Variants in DNAJC15 observed in about 807,000 individuals in gnomAD.
DNAJC15 encodes DnaJ heat shock protein family (Hsp40) member C15, also known as dnaJ homolog subfamily C member 15.
Under a neutral mutation model 22.4 loss-of-function variants are expected in DNAJC15, and 27 were observed. The observed-to-expected ratio is 1.20, with a 90% CI of 0.89 to 1.66. The LOEUF (loss-of-function observed/expected upper bound fraction) is 1.66, where lower values mean the gene tolerates loss of function less well. Among genes scored for constraint, DNAJC15 ranks in the 40% most tolerant of loss-of-function variants. The pLI, the probability that DNAJC15 is intolerant of heterozygous loss-of-function variation, is 0.00. For synonymous variants in DNAJC15, 79 were observed against 63.2 expected (o/e 1.25, Z -1.19); for missense variants, 208 against 187.1 (o/e 1.11, Z -0.65).
intron 1 of DNAJC15, among the ~76,000 whole-genome samples, chr13:43,060,220 G>A (rs113382085): frequency 2.8e-4 from 42 of 152,248 alleles, no homozygotes; most frequent in Non-Finnish European, 1.9e-4. Flanking sequence ...CTATTCGAGC[G>A]GGATTAGGGG....
At chr13:43,090,357 G>GGTTTCA (rs2040708280) in intron 5 of DNAJC15, among the ~76,000 whole-genome samples, 1 of 152,154 alleles carries the variant, frequency 6.6e-6, no homozygotes, top group Non-Finnish European at 1.5e-5. Context: ...TTCTAAGTTG[G>GGTTTCA]GTTTCAGTTT....
intron 4 of DNAJC15, among the ~76,000 whole-genome samples, chr13:43,083,277 C>T (rs889658461): frequency 1.1e-4 from 16 of 151,962 alleles, no homozygotes; most frequent in East Asian, 5.8e-4. Context: ...ATGCCATTTT[C>T]CTGCCTCAGC....
chr13:43,026,170 CAG>C (rs2040379924), intron 1 of DNAJC15, among the ~76,000 whole-genome samples: 1 of 152,164 alleles, frequency 6.6e-6, no homozygotes, highest in Non-Finnish European at 1.5e-5. Flanking sequence ...TTGAACAAAA[CAG>C]TGGAATCTCC....
At chr13:43,080,414 A>G (rs1483646562) in intron 4 of DNAJC15, among the ~76,000 whole-genome samples, 2 of 152,218 alleles carry the variant, frequency 1.3e-5, no homozygotes, top group East Asian at 3.8e-4. Flanking sequence ...GCTGCGTAGT[A>G]TTCCATGGTG....
At chr13:43,069,764 C>G (rs2040600194) in intron 3 of DNAJC15, among the ~76,000 whole-genome samples, 1 of 152,166 alleles carries the variant, frequency 6.6e-6, no homozygotes. Flanking sequence ...ATCCGCTATT[C>G]TGCTATTCTG....
intron 3 of DNAJC15, among the ~76,000 whole-genome samples, chr13:43,075,718 A>G (rs2040630801): frequency 6.6e-6 from 1 of 152,156 alleles, no homozygotes. Flanking sequence ...GCTGGAGTGC[A>G]GCTGTGCACT....
At chr13:43,037,284 A>T (rs936658896) in intron 1 of DNAJC15, among the ~76,000 whole-genome samples, 2 of 152,246 alleles carry the variant, frequency 1.3e-5, no homozygotes, top group African/African-American at 4.8e-5. Flanking sequence ...GATAAGGTGT[A>T]CATCAGATAT....
intron 5 of DNAJC15, among the ~76,000 whole-genome samples, chr13:43,103,513 T>G (rs1046125984): frequency 1.3e-5 from 2 of 152,238 alleles, no homozygotes; most frequent in Admixed American, 1.3e-4. Flanking sequence ...TAGCACCGTT[T>G]ATTGTTATTT....
intron 3 of DNAJC15, among the ~76,000 whole-genome samples, chr13:43,078,095 C>T (rs577945716): frequency 5.1e-4 from 78 of 152,246 alleles, no homozygotes; most frequent in South Asian, 2.5e-3. Context: ...CATTATATCT[C>T]GAGTCCTCCT....
chr13:43,105,605 ACT>A (rs549702839), intron 5 of DNAJC15, among the ~76,000 whole-genome samples: 13 of 151,874 alleles, frequency 8.6e-5, no homozygotes, highest in African/African-American at 1.2e-4. Context: ...ATTTAATAAG[ACT>A]CTCTATCATC....
intron 1 of DNAJC15, among the ~76,000 whole-genome samples, chr13:43,024,208 CACAGAA>C (rs1443081173): frequency 6.6e-6 from 1 of 151,922 alleles, no homozygotes; most frequent in Non-Finnish European, 1.5e-5. Context: ...AAGTCTCCGG[CACAGAA>C]ACAGGGCCCA....
chr13:43,097,979 A>G (rs1286346653), intron 5 of DNAJC15, among the ~76,000 whole-genome samples: 3 of 152,206 alleles, frequency 2.0e-5, no homozygotes, highest in Admixed American at 1.3e-4. Context: ...TTGAAGGAAC[A>G]CCCAACAAAG....
intron 3 of DNAJC15, among the ~76,000 whole-genome samples, chr13:43,073,739 A>G (rs17064134): frequency 0.015 from 2,218 of 152,144 alleles, 56 homozygotes; most frequent in African/African-American, 0.048. Context: ...CTTGTTTTCT[A>G]GGCCTATTAA....
intron 2 of DNAJC15, among the ~76,000 whole-genome samples, chr13:43,066,715 C>T (rs774130775): frequency 3.3e-5 from 5 of 152,094 alleles, no homozygotes; most frequent in South Asian, 2.1e-4. Flanking sequence ...CTCCGCCTCC[C>T]GGGTTCATGC....
intron 1 of DNAJC15, among the ~76,000 whole-genome samples, chr13:43,064,287 A>AT (rs2153440781): frequency 6.6e-6 from 1 of 152,338 alleles, no homozygotes; most frequent in African/African-American, 2.4e-5. Context: ...GATGTTTCTC[A>AT]TTATAGAGTC....
Position 43,096,980 on chromosome 13 carries a change from G to A in DNAJC15, c.383-10198G>A, listed in dbSNP as rs2040742721. Among the ~76,000 whole-genome samples, 2 of 152,134 alleles carry A rather than the reference G, an allele frequency of 1.3e-5. 1 individual carries two copies. Among genetic ancestry groups the A allele is most frequent in the Admixed American group, 1.3e-4 (2 of 15,264 alleles). The stretch of plus-strand genomic sequence containing the variant: ...AGGCCATCCTGGACTACCCAGCTCA[G>A]AATAACCACCCTACCAATCCACAGA... On this transcript the variant is annotated intron_variant, in intron 5 of 5. Transcript: ENST00000379221.
At chr13:43,081,019 T>TA (rs1434503418) in intron 4 of DNAJC15, among the ~76,000 whole-genome samples, 4 of 152,242 alleles carry the variant, frequency 2.6e-5, no homozygotes, top group African/African-American at 9.6e-5. Context: ...ATCCTTTTGA[T>TA]AACCTATTTT....
intron 4 of DNAJC15, among the ~76,000 whole-genome samples, chr13:43,080,327 T>C (rs968693754): frequency 6.6e-6 from 1 of 152,228 alleles, no homozygotes; most frequent in Middle Eastern, 3.2e-3. Context: ...TTTCTGTTTC[T>C]GCATTAGTTT....
At chr13:43,103,839 C>A (rs74060988) in intron 5 of DNAJC15, among the ~76,000 whole-genome samples, 2,542 of 152,208 alleles carry the variant, frequency 0.017, 81 homozygotes, top group East Asian at 0.1. Flanking sequence ...TTCAGATTTA[C>A]AATTGCTTTC....
Sources: allele counts gnomAD v4.1 joint callset (sites outside exome capture counted in the v4.1 genomes callset), GRCh38; gene constraint gnomAD v4.1.1; transcripts MANE v1.5; gene names NCBI Gene and HGNC (gene_info 2026-07-23, HGNC 2026-07-21).